The following TTC28 variants were observed in gnomAD, a reference collection of about 807,000 sequenced individuals.
TTC28 encodes the protein tetratricopeptide repeat domain 28.
In TTC28, 61 loss-of-function variants were observed where a neutral mutation model predicts 198.0. The observed-to-expected ratio is 0.31, with a 90% CI of 0.25 to 0.38. TTC28 has a LOEUF of 0.38. Ranked by LOEUF, TTC28 falls within the 10% of genes least tolerant of loss-of-function variation. The pLI is 1.00. For synonymous variants in TTC28, 1,171 were observed against 1,297.8 expected (o/e 0.90, Z 2.10); for missense variants, 2,678 against 3,164.0 (o/e 0.85, Z 3.69).
intron 14 of TTC28, 21 bp from the exon 15 acceptor site, chr22:28,001,574 G>C (rs756179160): frequency 1.9e-6 from 3 of 1,541,456 alleles, no homozygotes; most frequent in Non-Finnish European, 2.6e-6. Context: ...AGCACGGAGA[G>C]GCTGACATGG....
intron 2 of TTC28, among the ~76,000 whole-genome samples, chr22:28,550,799 T>G (rs1185731539): frequency 6.6e-6 from 1 of 152,046 alleles, no homozygotes; most frequent in Admixed American, 6.6e-5. Context: ...AGAAAAAAAT[T>G]TGAATGGAGT....
At chr22:28,017,948 G>A (rs1348628448) in intron 13 of TTC28, among the ~76,000 whole-genome samples, 1 of 152,164 alleles carries the variant, frequency 6.6e-6, no homozygotes, top group East Asian at 1.9e-4. Flanking sequence ...AGCACCCCCT[G>A]CCTGGAACTT....
chr22:27,978,114 C>T lies in TTC28; in HGVS notation c.*4107G>A, dbSNP rs1230322382. The T allele has an allele frequency of 6.6e-6, 1 of 152,132 alleles. No individual in the cohort carries two copies. Among genetic ancestry groups the T allele is most frequent in the Non-Finnish European group, 1.5e-5 (1 of 68,030 alleles). The allele number at this position is 152,132 out of a possible 1,614,324, so 9.4% of individuals were successfully genotyped here. A position where few individuals can be genotyped will look rare whatever the true frequency, so the allele number is the denominator to read the frequency against. ...CAATAAAAATATGAAGTTCTTTTTA[C>T]ATGGTAAATTTCATAATATAAAAAG... On this transcript the variant is annotated 3_prime_UTR_variant, in exon 23 of 23. Transcript: ENST00000397906.
chr22:28,609,879 T>C (rs2050790842), intron 2 of TTC28, among the ~76,000 whole-genome samples: 1 of 152,130 alleles, frequency 6.6e-6, no homozygotes, highest in Admixed American at 6.5e-5. Context: ...GAGGTCGACC[T>C]GGGACACTCA....
chr22:28,209,342 G>A (rs922029172), intron 5 of TTC28, among the ~76,000 whole-genome samples: 4 of 152,164 alleles, frequency 2.6e-5, no homozygotes, highest in African/African-American at 7.2e-5. Context: ...GCGGGGCATC[G>A]CCTCACCCAG....
At chr22:28,067,258 C>T (rs1601582786) in intron 12 of TTC28, among the ~76,000 whole-genome samples, 2 of 152,142 alleles carry the variant, frequency 1.3e-5, no homozygotes, top group Non-Finnish European at 2.9e-5. Flanking sequence ...TTCTTTTTCT[C>T]TCCTATTAAA....
At chr22:28,578,664 G>A (rs548567504) in intron 2 of TTC28, among the ~76,000 whole-genome samples, 2 of 152,250 alleles carry the variant, frequency 1.3e-5, no homozygotes, top group East Asian at 1.9e-4. Flanking sequence ...AGGAAAGACA[G>A]TCCTGAATTG....
intron 12 of TTC28, among the ~76,000 whole-genome samples, chr22:28,061,222 T>A (rs1395965931): frequency 6.6e-6 from 1 of 152,244 alleles, no homozygotes; most frequent in East Asian, 1.9e-4. Flanking sequence ...TTTAGTTTAA[T>A]TAGATCCCAT....
chr22:28,594,577 T>C (rs2050503867), intron 2 of TTC28, among the ~76,000 whole-genome samples: 1 of 148,448 alleles, frequency 6.7e-6, no homozygotes, highest in South Asian at 2.1e-4. Context: ...TTTATAAAAA[T>C]TTTAACCTCT....
At position 28,555,708 on chromosome 22, in the gene TTC28, G is replaced by A. The variant is rs2049775349; in HGVS notation, c.381+73844C>T. Among the ~76,000 whole-genome samples, 4 of 152,220 alleles carry A rather than the reference G, an allele frequency of 2.6e-5. No homozygotes were observed. The South Asian group carries it at 8.3e-4, about 32-fold the overall frequency. On this transcript the variant is annotated intron_variant, in intron 2 of 22. Transcript: ENST00000397906. ...GGATTACAGGGAAAGGGTGGGGGGT[G>A]CTGAGGGATAAAAGACTACACTTTG...
intron 5 of TTC28, among the ~76,000 whole-genome samples, chr22:28,243,352 G>A (rs897582297): frequency 8.7e-5 from 13 of 150,058 alleles, no homozygotes; most frequent in African/African-American, 1.7e-4. Flanking sequence ...GGGAGACCCC[G>A]TCTCAAAACA....
intron 2 of TTC28, among the ~76,000 whole-genome samples, chr22:28,364,918 C>T (rs2046222508): frequency 6.6e-6 from 1 of 152,202 alleles, no homozygotes; most frequent in Non-Finnish European, 1.5e-5. Context: ...ATAATACCAA[C>T]TTAGTTGATA....
At chr22:28,508,751 G>A (rs1250256448) in intron 2 of TTC28, among the ~76,000 whole-genome samples, 1 of 152,152 alleles carries the variant, frequency 6.6e-6, no homozygotes, top group Non-Finnish European at 1.5e-5. Context: ...CTTACAAAGA[G>A]ACTTAGACTT....
chr22:28,562,263 T>G (rs1183370294), intron 2 of TTC28, among the ~76,000 whole-genome samples: 1 of 152,250 alleles, frequency 6.6e-6, no homozygotes, highest in Non-Finnish European at 1.5e-5. Context: ...CCTAGAGGAC[T>G]AGCCATAGCA....
At chr22:28,234,376 T>G (rs898252007) in intron 5 of TTC28, among the ~76,000 whole-genome samples, 1 of 151,422 alleles carries the variant, frequency 6.6e-6, no homozygotes, top group Non-Finnish European at 1.5e-5. Flanking sequence ...TCTTCTAATT[T>G]TTTTTGTTTG....
At chr22:28,507,107 C>T (rs2048623347) in intron 2 of TTC28, among the ~76,000 whole-genome samples, 1 of 152,148 alleles carries the variant, frequency 6.6e-6, no homozygotes, top group African/African-American at 2.4e-5. Flanking sequence ...GTAATGACAA[C>T]CTTTGCTGAG....
chr22:28,484,165 C>T (rs1052844254), intron 2 of TTC28, among the ~76,000 whole-genome samples: 1 of 152,116 alleles, frequency 6.6e-6, no homozygotes, highest in African/African-American at 2.4e-5. Flanking sequence ...CTCTCTGCCA[C>T]CCAGGCTGAA....
intron 2 of TTC28, among the ~76,000 whole-genome samples, chr22:28,335,180 T>C (rs994248857): frequency 3.3e-5 from 5 of 152,230 alleles, no homozygotes; most frequent in African/African-American, 9.6e-5. Context: ...TGTGGCATTA[T>C]TTCTGAGGGC....
chr22:28,569,301 G>A (rs929888081), intron 2 of TTC28, among the ~76,000 whole-genome samples: 4 of 151,856 alleles, frequency 2.6e-5, no homozygotes, highest in Non-Finnish European at 5.9e-5. Flanking sequence ...AATACGACAA[G>A]GCTACAGTAA....
Sources: allele counts gnomAD v4.1 joint callset (sites outside exome capture counted in the v4.1 genomes callset), GRCh38; gene constraint gnomAD v4.1.1; transcripts MANE v1.5; gene names NCBI Gene and HGNC (gene_info 2026-07-23, HGNC 2026-07-21).